TRAF2: variants seen among roughly 807,000 people sequenced by gnomAD.
The protein encoded by TRAF2 is TNF receptor associated factor 2, also known as TNF receptor-associated factor 2.
Under a neutral mutation model 55.6 loss-of-function variants are expected in TRAF2, and 6 were observed. The ratio of observed to expected loss-of-function variants is 0.11; its 90% CI spans 0.06 to 0.21. The LOEUF (loss-of-function observed/expected upper bound fraction) is 0.21, where lower values mean the gene tolerates loss of function less well. Among genes scored for constraint, TRAF2 ranks in the 10% least tolerant of loss-of-function variants. TRAF2 has a pLI of 1.00. For missense variants in TRAF2, 561 were observed against 684.5 expected (o/e 0.82, Z 2.01); for synonymous variants, 329 against 276.3 (o/e 1.19, Z -1.89).
intron 7 of TRAF2, among the ~76,000 whole-genome samples, chr9:136,917,651 T>G (rs1249831822): frequency 6.6e-6 from 1 of 152,270 alleles, no homozygotes; most frequent in African/African-American, 2.4e-5. Context: ...CAGGGATGTC[T>G]TGACGGCATT....
intron 1 of TRAF2, among the ~76,000 whole-genome samples, chr9:136,891,542 C>T (rs1197874445): frequency 6.6e-6 from 1 of 152,058 alleles, no homozygotes; most frequent in Non-Finnish European, 1.5e-5. Context: ...CCATGCCTGG[C>T]CCATTTTTGT....
chr9:136,925,342 CTT>C (rs1564424274), intron 10 of TRAF2, among the ~76,000 whole-genome samples: 1 of 152,232 alleles, frequency 6.6e-6, no homozygotes, highest in Non-Finnish European at 1.5e-5. Context: ...AAGAAAATGT[CTT>C]TGCCAGATGT....
intron 4 of TRAF2, among the ~76,000 whole-genome samples, chr9:136,901,134 T>C (rs552969088): frequency 2.2e-4 from 30 of 134,682 alleles, no homozygotes; most frequent in African/African-American, 9.1e-4. Context: ...CTTCCTGCAC[T>C]GGGGATTTCA....
chr9:136,893,468 A>T (rs1157768207), intron 1 of TRAF2, among the ~76,000 whole-genome samples: 4 of 152,156 alleles, frequency 2.6e-5, no homozygotes, highest in Non-Finnish European at 4.4e-5. Context: ...CAGGTCAGGG[A>T]TGAGGTCGCT....
intron 4 of TRAF2, among the ~76,000 whole-genome samples, chr9:136,904,226 T>TAA (rs1849892973): frequency 6.6e-6 from 1 of 152,140 alleles, no homozygotes; most frequent in Non-Finnish European, 1.5e-5. Context: ...TTTTTAGAAA[T>TAA]AGAGTCTCGC....
At chr9:136,907,661 G>A (rs1376966027) in intron 4 of TRAF2, among the ~76,000 whole-genome samples, 4 of 152,112 alleles carry the variant, frequency 2.6e-5, no homozygotes, top group Non-Finnish European at 5.9e-5. Context: ...GACTCAGCCT[G>A]GACCGCGTTG....
At chr9:136,898,081 C>T (rs1331025588) in intron 1 of TRAF2, among the ~76,000 whole-genome samples, 1 of 134,102 alleles carries the variant, frequency 7.5e-6, no homozygotes, top group Non-Finnish European at 1.6e-5. Context: ...CTAGCCAGCT[C>T]CAGGTGTGCT....
upstream of TRAF2, among the ~76,000 whole-genome samples, chr9:136,884,608 G>A (rs1434748434): frequency 6.6e-6 from 1 of 152,164 alleles, no homozygotes; most frequent in Non-Finnish European, 1.5e-5. Flanking sequence ...GCAGCCTGGA[G>A]TGCAGTGGTG....
At position 136,898,710 on chromosome 9, in the gene TRAF2, T is replaced by C. The variant is rs990977089; in HGVS notation, c.-28-3T>C. On this transcript the variant is annotated splice_region_variant and splice_polypyrimidine_tract_variant and intron_variant, in intron 1 of 10. Coordinates refer to ENST00000247668, the MANE Select transcript of TRAF2 (RefSeq NM_021138.4). The stretch of plus-strand genomic sequence containing the variant: ...GTGTAACGTGCTGTGTGTTCTTCCT[T>C]AGGGCTTTGTTCGCGGGGGTCACAG... 1.2e-6 allele frequency: 2 copies of C among 1,612,464 alleles called. No homozygotes were observed. Among genetic ancestry groups the C allele is most frequent in the Admixed American group, 1.7e-5 (1 of 60,028 alleles).
At chr9:136,897,801 T>TC (rs57538171) in intron 1 of TRAF2, among the ~76,000 whole-genome samples, 353 of 23,874 alleles carry the variant, frequency 0.015, no homozygotes, top group Middle Eastern at 0.019. Flanking sequence ...TGTGCTACGT[T>TC]CCGCTCTCGG....
At position 136,926,223 on chromosome 9, in the gene TRAF2, G is replaced by A. The variant is rs1000376099; in HGVS notation, c.*322G>A. On this transcript the variant is annotated 3_prime_UTR_variant, in exon 11 of 11. Coordinates refer to ENST00000247668, the MANE Select transcript of TRAF2 (RefSeq NM_021138.4). Reference sequence around the variant, plus strand: ...AGTGAAGGGAGAGGCCCTGGGTGGGGGACACTCAGAGTGGGAGCACATCCC... The same window carrying A: ...AGTGAAGGGAGAGGCCCTGGGTGGGAGACACTCAGAGTGGGAGCACATCCC... 31 of 470,042 alleles carry A rather than the reference G, an allele frequency of 6.6e-5. No individual in the cohort carries two copies. The highest frequency in any genetic ancestry group is 6.2e-4 in the Middle Eastern group (1 of 1,612). The allele number at this position is 470,042 out of a possible 1,614,324, so 29.1% of individuals were successfully genotyped here. A position where few individuals can be genotyped will look rare whatever the true frequency, so the allele number is the denominator to read the frequency against.
chr9:136,907,465 C>G (rs1433752378), intron 4 of TRAF2, among the ~76,000 whole-genome samples: 4 of 152,264 alleles, frequency 2.6e-5, no homozygotes, highest in Non-Finnish European at 5.9e-5. Context: ...TCGGCCCTTT[C>G]AGATGCGTGT....
chr9:136,920,157 C>T lies in TRAF2; in HGVS notation c.679-77C>T, dbSNP rs970361305. 4 of 1,488,704 alleles carry T rather than the reference C, an allele frequency of 2.7e-6. No homozygotes were observed. The African/African-American group carries it at 5.5e-5, about 21-fold the overall frequency. 92.2% of individuals were successfully genotyped at this position (1,488,704 alleles called of 1,614,324 possible). On this transcript the variant is annotated intron_variant, in intron 7 of 10. Coordinates refer to ENST00000247668, the MANE Select transcript of TRAF2 (RefSeq NM_021138.4). ...CCTGTCTCCTCAGCTCAGCTGAGGC[C>T]CACGTCTTGGTGGCCGTCCCCGGGT...
chr9:136,887,541 G>A (rs1327037733), intron 1 of TRAF2, among the ~76,000 whole-genome samples: 1 of 152,150 alleles, frequency 6.6e-6, no homozygotes, highest in Non-Finnish European at 1.5e-5. Context: ...CGGTGAAGAC[G>A]GGGCTCGGAG....
chr9:136,912,547 T>G (rs1268172914), intron 6 of TRAF2, among the ~76,000 whole-genome samples: 1 of 152,120 alleles, frequency 6.6e-6, no homozygotes, highest in Non-Finnish European at 1.5e-5. Flanking sequence ...AGGTTTAAAA[T>G]TAAAAATACC....
chr9:136,916,458 G>A (rs1052380868), intron 6 of TRAF2, 83 bp from the exon 7 acceptor site: 27 of 1,408,220 alleles, frequency 1.9e-5, no homozygotes, highest in Admixed American at 1.0e-4. Context: ...TGTAACCTCT[G>A]TGTCAGTCAG....
chr9:136,889,440 T>C (rs1849529224), intron 1 of TRAF2: 1 of 151,964 alleles, frequency 6.6e-6, no homozygotes, highest in African/African-American at 2.4e-5. Flanking sequence ...CCCACCATAA[T>C]GCCCGGCTAA....
At chr9:136,885,835 C>G (rs1849433789), upstream of TRAF2, among the ~76,000 whole-genome samples, 1 of 152,228 alleles carries the variant, frequency 6.6e-6, no homozygotes, top group Non-Finnish European at 1.5e-5. Flanking sequence ...GCGGCCGTCA[C>G]CACTGTCCGG....
At chr9:136,924,058 G>C (rs1386039446) in intron 10 of TRAF2, 58 bp downstream of exon 10, 1 of 1,591,844 alleles carries the variant, frequency 6.3e-7, no homozygotes, top group Non-Finnish European at 8.5e-7. Context: ...TCTGGGCAGT[G>C]CAGCTTCTGT....
Sources: allele counts gnomAD v4.1 joint callset (sites outside exome capture counted in the v4.1 genomes callset), GRCh38; gene constraint gnomAD v4.1.1; transcripts MANE v1.5; gene names NCBI Gene and HGNC (gene_info 2026-07-23, HGNC 2026-07-21).